LHFPL3: variants seen among roughly 807,000 people sequenced by gnomAD.
LHFPL3 encodes the protein LHFPL tetraspan subfamily member 3, also known as LHFPL tetraspan subfamily member 3 protein.
Under a neutral mutation model 19.3 loss-of-function variants are expected in LHFPL3, and 5 were observed. That is an observed-to-expected ratio of 0.26 (90% CI 0.14 to 0.54). The LOEUF is 0.54. Among genes scored for constraint, LHFPL3 ranks in the 20% least tolerant of loss-of-function variants. LHFPL3 has a pLI of 0.94. For synonymous variants in LHFPL3, 133 were observed against 126.2 expected (o/e 1.05, Z -0.36); for missense variants, 249 against 307.4 (o/e 0.81, Z 1.42).
rs188599102 is a variant in LHFPL3, at chr7:104,863,053, T to C, written c.683-43134T>C. The stretch of plus-strand genomic sequence containing the variant: ...CAGAGCTGGAGTGATCCTGTGTTAA[T>C]TGCCCTTCATATTTAGCTTAATGAG... On this transcript the variant is annotated intron_variant, in intron 2 of 2. Transcript: ENST00000424859. 7.2e-5 allele frequency among the ~76,000 whole-genome samples: 11 copies of C among 152,326 alleles called. No homozygotes were observed. The East Asian group carries it at 1.9e-3, about 27-fold the overall frequency.
intron 2 of LHFPL3, among the ~76,000 whole-genome samples, chr7:104,842,096 T>C (rs750496756): frequency 6.6e-6 from 1 of 151,294 alleles, no homozygotes; most frequent in Non-Finnish European, 1.5e-5. Context: ...AGCACTTTTA[T>C]AGAGGATTAA....
intron 2 of LHFPL3, among the ~76,000 whole-genome samples, chr7:104,836,160 T>C (rs896467061): frequency 6.6e-6 from 1 of 152,092 alleles, no homozygotes; most frequent in African/African-American, 2.4e-5. Flanking sequence ...GCATATGCAA[T>C]GATCCTAAGA....
chr7:104,780,264 C>G (rs548291576), intron 2 of LHFPL3, among the ~76,000 whole-genome samples: 1 of 152,324 alleles, frequency 6.6e-6, no homozygotes, highest in Non-Finnish European at 1.5e-5. Context: ...GGAGCCAGAG[C>G]AGAGACCCCG....
At chr7:104,782,380 C>G (rs1159158312) in intron 2 of LHFPL3, among the ~76,000 whole-genome samples, 1 of 152,206 alleles carries the variant, frequency 6.6e-6, no homozygotes, top group Non-Finnish European at 1.5e-5. Context: ...TTCCATTGAT[C>G]AACTATTCAT....
At chr7:104,716,614 C>G (rs1793391949) in intron 1 of LHFPL3, among the ~76,000 whole-genome samples, 1 of 152,012 alleles carries the variant, frequency 6.6e-6, no homozygotes, top group African/African-American at 2.4e-5. Flanking sequence ...ATAAACTTAA[C>G]TAAGGAGGTG....
intron 1 of LHFPL3, among the ~76,000 whole-genome samples, chr7:104,338,154 A>G (rs1337174421): frequency 8.2e-6 from 1 of 122,596 alleles, no homozygotes; most frequent in African/African-American, 3.3e-5. Flanking sequence ...GCTGGAGTGC[A>G]GTGGCGCGAT....
At chr7:104,579,866 A>G (rs1436736657) in intron 1 of LHFPL3, among the ~76,000 whole-genome samples, 2 of 152,192 alleles carry the variant, frequency 1.3e-5, no homozygotes, top group African/African-American at 4.8e-5. Context: ...CTGACTGCAT[A>G]TCTAAACCTA....
chr7:104,751,785 C>G (rs1794178548), intron 2 of LHFPL3, among the ~76,000 whole-genome samples: 1 of 152,028 alleles, frequency 6.6e-6, no homozygotes, highest in Non-Finnish European at 1.5e-5. Flanking sequence ...GTGAGAGGCT[C>G]TCCCTCTTGG....
rs184864818 is a variant in LHFPL3 at position 104,837,096 on chromosome 7, C to T, written c.683-69091C>T. On this transcript the variant is annotated intron_variant, in intron 2 of 2. Transcript: ENST00000424859. ...TGAGATCTGGCTTCATATCTGCCACCGATGGGTTGTGTTTAAAGTTTGGCA... is the reference window on the plus strand; with the variant it reads ...TGAGATCTGGCTTCATATCTGCCACTGATGGGTTGTGTTTAAAGTTTGGCA... 4.3e-3 allele frequency among the ~76,000 whole-genome samples: 654 copies of T among 152,270 alleles called. 1 individual carries two copies. Among genetic ancestry groups the T allele is most frequent in the Non-Finnish European group, 7.6e-3 (519 of 68,026 alleles).
intron 1 of LHFPL3, among the ~76,000 whole-genome samples, chr7:104,465,949 T>C (rs745605934): frequency 8.5e-5 from 13 of 152,252 alleles, no homozygotes; most frequent in Non-Finnish European, 1.5e-5. Flanking sequence ...TTTGGTATAA[T>C]TTCAGTTCTT....
chr7:104,593,703 C>T (rs1450793425), intron 1 of LHFPL3, among the ~76,000 whole-genome samples: 1 of 152,080 alleles, frequency 6.6e-6, no homozygotes, highest in Admixed American at 6.5e-5. Flanking sequence ...TAAGGACTTG[C>T]TTTATGAATC....
At chr7:104,504,381 T>A (rs989532178) in intron 1 of LHFPL3, among the ~76,000 whole-genome samples, 3 of 152,220 alleles carry the variant, frequency 2.0e-5, no homozygotes, top group Admixed American at 2.0e-4. Flanking sequence ...TCATCTTACA[T>A]TTTACTCCAA....
In LHFPL3 at chr7:104,328,870, C is replaced by T. The variant is rs537255398; in HGVS notation, c.91C>T (p.Arg31Trp). 6 of 1,614,176 alleles carry T rather than the reference C, an allele frequency of 3.7e-6. No homozygotes were observed. The African/African-American group carries it at 6.7e-5, about 18-fold the overall frequency. The change falls in exon 1 of 3, where the codon CGG becomes TGG. Residue 31 changes from arginine (R) to tryptophan (W), a missense_variant. Coordinates refer to ENST00000424859, the MANE Select transcript of LHFPL3 (RefSeq NM_199000.3). The surrounding 1 kb of genome is among the most constrained non-coding windows in gnomAD (Gnocchi z 4.6). ...CAAGCTGTACCACACCAACTATGTG[C>T]GGAACTCGCGGGCCATCGGCGTGCT... ...AAKLYHTNYV[R>W]NSRAIGVLWA... is the part of the protein sequence containing the mutation.
intron 1 of LHFPL3, 61 bp downstream of exon 1, chr7:104,329,285 G>T: frequency 6.5e-7 from 1 of 1,533,172 alleles, no homozygotes. Flanking sequence ...CCGGGGAGGG[G>T]CCAGAGTGGG....
intron 2 of LHFPL3, among the ~76,000 whole-genome samples, chr7:104,751,620 C>G (rs1381869431): frequency 1.3e-5 from 2 of 151,096 alleles, no homozygotes; most frequent in Admixed American, 1.3e-4. Context: ...GACGATTTTG[C>G]CAGAATCTCC....
chr7:104,628,643 G>A (rs1235612203), intron 1 of LHFPL3, among the ~76,000 whole-genome samples: 1 of 152,156 alleles, frequency 6.6e-6, no homozygotes, highest in Non-Finnish European at 1.5e-5. Flanking sequence ...TTTTGCATGT[G>A]CAGAATGGCT....
chr7:104,782,935 A>G (rs1292457244), intron 2 of LHFPL3, among the ~76,000 whole-genome samples: 1 of 152,242 alleles, frequency 6.6e-6, no homozygotes, highest in Non-Finnish European at 1.5e-5. Context: ...GATGAACACA[A>G]GTGCGCACGC....
intron 1 of LHFPL3, among the ~76,000 whole-genome samples, chr7:104,636,494 A>T (rs931215535): frequency 5.9e-5 from 9 of 152,138 alleles, no homozygotes; most frequent in African/African-American, 2.2e-4. Flanking sequence ...TAAGCATAGT[A>T]TCCAATAGTT....
At chr7:104,544,462 T>G (rs1297464860) in intron 1 of LHFPL3, among the ~76,000 whole-genome samples, 1 of 152,174 alleles carries the variant, frequency 6.6e-6, no homozygotes, top group African/African-American at 2.4e-5. Context: ...TTAGATGCAG[T>G]TTCATGAGAC....
Sources: allele counts gnomAD v4.1 joint callset (sites outside exome capture counted in the v4.1 genomes callset), GRCh38; gene constraint gnomAD v4.1.1; non-coding constraint Gnocchi (gnomAD v3.1); transcripts MANE v1.5; gene names NCBI Gene and HGNC (gene_info 2026-07-23, HGNC 2026-07-21).